Variants in MGAM2 observed in about 807,000 individuals in gnomAD.
The protein encoded by MGAM2 is maltase-glucoamylase 2 (putative).
In MGAM2, 98 loss-of-function variants were observed where a neutral mutation model predicts 96.1. The ratio of observed to expected loss-of-function variants is 1.02; its 90% confidence interval spans 0.87 to 1.21. The LOEUF (loss-of-function observed/expected upper bound fraction) is 1.21. MGAM2 is among the 50% of genes most tolerant of loss of function. MGAM2 has a pLI of 0.00. For synonymous variants in MGAM2, 749 were observed against 414.8 expected, an observed-to-expected ratio of 1.81 and a Z score of -9.79; for missense variants, 2,055 against 1,182.4, an observed-to-expected ratio of 1.74 and a Z score of -10.82.
chr7:142,122,347 T>TACA (rs1794601360), intron 3 of MGAM2, among the ~76,000 whole-genome samples: 1 of 152,234 alleles, frequency 6.6e-6, no homozygotes, highest in Non-Finnish European at 1.5e-5. Flanking sequence ...ATTACACTTA[T>TACA]ATACAATGCA....
At chr7:142,145,264 A>G (rs1795351128) in intron 14 of MGAM2, among the ~76,000 whole-genome samples, 1 of 152,154 alleles carries the variant, frequency 6.6e-6, no homozygotes, top group African/African-American at 2.4e-5. Flanking sequence ...AATCTATGAG[A>G]ATTTCAGGAC....
At position 142,138,607 on chromosome 7, in the gene MGAM2, T is replaced by C; in HGVS notation, c.1026T>C (p.Tyr342=). 1 of 703,124 alleles carries C rather than the reference T, an allele frequency of 1.4e-6. No homozygotes were observed. The highest frequency in any genetic ancestry group is 2.6e-6 in the Non-Finnish European group (1 of 384,994). 43.6% of individuals were successfully genotyped at this position (703,124 alleles called of 1,614,324 possible). Residue 342 remains tyrosine (Y), a synonymous_variant, in exon 10 of 48, where the codon TAT becomes TAC. Transcript: ENST00000477922. ...SLGFQLSRRD[Y]GGINKLKEVV... ...GGTTCCAGCTTAGTCGCAGGGACTA[T>C]GGTGGCATCAATAAATTGAAAGAAG...
At position 142,160,118 on chromosome 7, in the gene MGAM2, T is replaced by G. The variant is rs1007275082; in HGVS notation, c.2221-16T>G. On this transcript the variant is annotated splice_polypyrimidine_tract_variant and intron_variant, in intron 20 of 47. Coordinates refer to ENST00000477922, the MANE Select transcript of MGAM2 (RefSeq NM_001293626.2). Reference sequence around the variant, plus strand: ...GCTTATTACCTGATCTATCTTTTGTTGTTGTTGCTGATTAGGGAGTGGCCA... The same window carrying G: ...GCTTATTACCTGATCTATCTTTTGTGGTTGTTGCTGATTAGGGAGTGGCCA... The G allele has an allele frequency of 5.7e-6, 4 of 698,942 alleles. No individual in the cohort carries two copies. In the Admixed American group the frequency reaches 8.1e-5, roughly 14 times the overall value. The allele number at this position is 698,942 out of a possible 1,614,324, so 43.3% of individuals were successfully genotyped here. A position where few individuals can be genotyped will look rare whatever the true frequency, so the allele number is the denominator to read the frequency against.
Position 142,199,959 on chromosome 7 carries a change from C to CAAAG in MGAM2, c.5129_5132dup (p.Ser1711ArgfsTer4). 1.5e-6 allele frequency: 1 copy of CAAAG among 686,532 alleles called. No homozygotes were observed. The highest frequency in any genetic ancestry group is 2.7e-6 in the Non-Finnish European group (1 of 376,682). 42.5% of individuals were successfully genotyped at this position (686,532 alleles called of 1,614,324 possible). A position where few individuals can be genotyped will look rare whatever the true frequency, so the allele number is the denominator to read the frequency against. On this transcript the variant is annotated frameshift_variant, in exon 45 of 48. Transcript: ENST00000477922. LOFTEE classifies it high-confidence loss of function. The stretch of plus-strand genomic sequence containing the variant: ...AGGCCAGGTGTTCTGGGATGATGGA[C>CAAAG]AAAGCATTGGTGAGTATAAACTTTC...
At chr7:142,120,922 A>G (rs573250337) in intron 3 of MGAM2, among the ~76,000 whole-genome samples, 1 of 152,336 alleles carries the variant, frequency 6.6e-6, no homozygotes, top group East Asian at 1.9e-4. Flanking sequence ...TAGCTTCCAT[A>G]AAATATCAGC....
At chr7:142,112,000 G>C (rs983321525) in intron 1 of MGAM2, among the ~76,000 whole-genome samples, 193 bp downstream of exon 1, 4 of 39,060 alleles carry the variant, frequency 1.0e-4, no homozygotes, top group South Asian at 1.0e-3. Flanking sequence ...AGGAGAGACT[G>C]TGTGTGTGTG....
intron 12 of MGAM2, among the ~76,000 whole-genome samples, chr7:142,142,189 T>C (rs1563256991): frequency 6.6e-6 from 1 of 152,100 alleles, no homozygotes; most frequent in Non-Finnish European, 1.5e-5. Flanking sequence ...TAACTTTTCA[T>C]GAAGCAGTAG....
chr7:142,175,151 G>A (rs1796333486), intron 31 of MGAM2, among the ~76,000 whole-genome samples: 1 of 152,110 alleles, frequency 6.6e-6, no homozygotes, highest in Non-Finnish European at 1.5e-5. Flanking sequence ...TGCTCATTCA[G>A]TATGATATTG....
In MGAM2 at chr7:142,153,940, C is replaced by A. The variant is rs148162588; in HGVS notation, c.1635-78C>A. The A allele has an allele frequency of 1.9e-4, 94 of 495,366 alleles. 1 individual carries two copies. Among genetic ancestry groups the A allele is most frequent in the African/African-American group, 1.7e-3 (91 of 53,248 alleles). 30.7% of individuals were successfully genotyped at this position (495,366 alleles called of 1,614,324 possible). On this transcript the variant is annotated intron_variant, in intron 15 of 47. Coordinates refer to ENST00000477922, the MANE Select transcript of MGAM2 (RefSeq NM_001293626.2). ...GTTTTCTCAGTTTGGTTAGAAAGTC[C>A]ATTGCTGCTCTTATTGTAAGGTGAG...
At chr7:142,181,012 C>G (rs1474433188) in intron 32 of MGAM2, among the ~76,000 whole-genome samples, 1 of 152,112 alleles carries the variant, frequency 6.6e-6, no homozygotes, top group African/African-American at 2.4e-5. Flanking sequence ...CCTTGTCATA[C>G]AGGTTTTGAA....
intron 31 of MGAM2, among the ~76,000 whole-genome samples, chr7:142,175,174 T>C (rs2129091946): frequency 6.6e-6 from 1 of 152,340 alleles, no homozygotes; most frequent in East Asian, 1.9e-4. Context: ...TGTGGGTTTG[T>C]CATCTATGGC....
rs1053250592 is a variant in MGAM2 at position 142,196,645 on chromosome 7, T to G, written c.4515+46T>G. 4 of 747,892 alleles carry G rather than the reference T, an allele frequency of 5.3e-6. No homozygotes were observed. In the African/African-American group the frequency reaches 6.8e-5, roughly 13 times the overall value. 46.3% of individuals were successfully genotyped at this position (747,892 alleles called of 1,614,324 possible). A position where few individuals can be genotyped will look rare whatever the true frequency, so the allele number is the denominator to read the frequency against. On this transcript the variant is annotated intron_variant, in intron 39 of 47. Coordinates refer to ENST00000477922, the MANE Select transcript of MGAM2 (RefSeq NM_001293626.2). ...TACTAATTGCCCAGTCAGATTTTAG[T>G]GAGTCAGCGCCTCATGAAATTCCCA...
Position 142,158,222 on chromosome 7 carries a change from C to A in MGAM2, c.2079-26C>A, listed in dbSNP as rs993920255. On this transcript the variant is annotated intron_variant, in intron 18 of 47. Transcript: ENST00000477922. ...TGTCCTGTATTAGAGACTTCACCTG[C>A]CTTCACTGTGCTACCTCTTTACTAG... 15 of 702,766 alleles carry A rather than the reference C, an allele frequency of 2.1e-5. No individual in the cohort carries two copies. In the African/African-American group the frequency reaches 2.3e-4, roughly 11 times the overall value. The allele number at this position is 702,766 out of a possible 1,614,324, so 43.5% of individuals were successfully genotyped here. A position where few individuals can be genotyped will look rare whatever the true frequency, so the allele number is the denominator to read the frequency against.
chr7:142,114,919 G>A (rs773175578), intron 1 of MGAM2, among the ~76,000 whole-genome samples: 32 of 151,892 alleles, frequency 2.1e-4, no homozygotes, highest in Non-Finnish European at 4.1e-4. Flanking sequence ...AAGGATAGAA[G>A]GAACAATTTT....
At chr7:142,179,845 A>C (rs1796486112) in intron 32 of MGAM2, among the ~76,000 whole-genome samples, 1 of 151,972 alleles carries the variant, frequency 6.6e-6, no homozygotes, top group Non-Finnish European at 1.5e-5. Flanking sequence ...TCTCTGCCAG[A>C]TATTGATATC....
chr7:142,180,441 G>T (rs1181764954), intron 32 of MGAM2, among the ~76,000 whole-genome samples: 1 of 151,908 alleles, frequency 6.6e-6, no homozygotes, highest in Non-Finnish European at 1.5e-5. Context: ...ATGTGAAGTT[G>T]GATTGTTAAT....
chr7:142,129,737 AT>A (rs1161929033), intron 3 of MGAM2, among the ~76,000 whole-genome samples: 1 of 146,500 alleles, frequency 6.8e-6, no homozygotes, highest in African/African-American at 2.5e-5. Context: ...AGGCAGTAGA[AT>A]AACTTGAACC....
intron 15 of MGAM2, among the ~76,000 whole-genome samples, chr7:142,153,724 A>G (rs1207384516): frequency 6.6e-6 from 1 of 152,248 alleles, no homozygotes; most frequent in Non-Finnish European, 1.5e-5. Context: ...CAAAAGGACC[A>G]GACCACAACC....
In MGAM2 at chr7:142,129,734, A is replaced by G. The variant is rs112918337; in HGVS notation, c.187-1214A>G. Among the ~76,000 whole-genome samples, 733 of 146,092 alleles carry G rather than the reference A, an allele frequency of 5.0e-3. 2 individuals carry two copies. The highest frequency in any genetic ancestry group is 0.016 in the African/African-American group (632 of 39,846). ...TAGCTACTCAGGAGGCTGAGGCAGT[A>G]GAATAACTTGAACCCAGGAGGCAGA... On this transcript the variant is annotated intron_variant, in intron 3 of 47. Coordinates refer to ENST00000477922, the MANE Select transcript of MGAM2 (RefSeq NM_001293626.2).
Sources: allele counts gnomAD v4.1 joint callset (sites outside exome capture counted in the v4.1 genomes callset), GRCh38; gene constraint gnomAD v4.1.1; transcripts MANE v1.5; gene names NCBI Gene and HGNC (gene_info 2026-07-23, HGNC 2026-07-21).